KMT5B: variants seen among roughly 807,000 people sequenced by gnomAD.
The protein encoded by KMT5B is histone-lysine N-methyltransferase KMT5B.
In KMT5B, 10 loss-of-function variants were observed where a neutral mutation model predicts 83.2. The ratio of observed to expected loss-of-function variants is 0.12; its 90% CI spans 0.07 to 0.20. The LOEUF (loss-of-function observed/expected upper bound fraction) is 0.20, where lower values mean the gene tolerates loss of function less well. Among genes scored for constraint, KMT5B ranks in the 10% least tolerant of loss-of-function variants. The probability of loss-of-function intolerance (pLI) is 1.00; values close to 1 mark genes in which losing one functional copy is unlikely to be tolerated. For synonymous variants in KMT5B, 349 were observed against 388.8 expected (o/e 0.90, Z 1.20); for missense variants, 753 against 1,067.2 (o/e 0.71, Z 4.10).
At chr11:68,189,646 A>G (rs1374803994) in intron 2 of KMT5B, 3 of 272,184 alleles carry the variant, frequency 1.1e-5, no homozygotes, top group South Asian at 1.1e-4. Context: ...TTAGTAAGAC[A>G]TATCAACCAT....
In KMT5B at chr11:68,173,916, A is replaced by G. The variant is rs761934913; in HGVS notation, c.544-3T>C. 6.5e-7 allele frequency: 1 copy of G among 1,542,870 alleles called. No homozygotes were observed. The highest frequency in any genetic ancestry group is 8.8e-7 in the Non-Finnish European group (1 of 1,136,804). ...AACATTCGCAAATAAATAAATACCT[A>G]AAACAGGAAAAAAAAATTGATAATG... On this transcript the variant is annotated splice_region_variant and splice_polypyrimidine_tract_variant and intron_variant, in intron 5 of 10. Coordinates refer to ENST00000304363, the MANE Select transcript of KMT5B (RefSeq NM_017635.5).
Position 68,155,298 on chromosome 11 carries a change from T to C in KMT5B, c.*2390A>G, listed in dbSNP as rs777700129. On this transcript the variant is annotated 3_prime_UTR_variant, in exon 11 of 11. Coordinates refer to ENST00000304363, the MANE Select transcript of KMT5B (RefSeq NM_017635.5). ...CCTACCTTTACCAACGGAAATTAGG[T>C]TTCCCTAGAAGGCATCAACAGTGGC... is the stretch of plus-strand genomic sequence containing the variant. 6.6e-6 allele frequency: 1 copy of C among 152,066 alleles called. No homozygotes were observed. Among genetic ancestry groups the C allele is most frequent in the Non-Finnish European group, 1.5e-5 (1 of 68,000 alleles). 9.4% of individuals were successfully genotyped at this position (152,066 alleles called of 1,614,324 possible). A position where few individuals can be genotyped will look rare whatever the true frequency, so the allele number is the denominator to read the frequency against.
intron 2 of KMT5B, among the ~76,000 whole-genome samples, chr11:68,188,778 C>T (rs2153070899): frequency 6.6e-6 from 1 of 152,314 alleles, no homozygotes; most frequent in Non-Finnish European, 1.5e-5. Context: ...GCCTAGTTTG[C>T]TGACCAGAAT....
At chr11:68,199,650 A>G (rs1386602436) in intron 1 of KMT5B, among the ~76,000 whole-genome samples, 1 of 152,220 alleles carries the variant, frequency 6.6e-6, no homozygotes, top group Non-Finnish European at 1.5e-5. Context: ...ATGGTACTTT[A>G]AAAAAGCAGT....
intron 1 of KMT5B, among the ~76,000 whole-genome samples, chr11:68,204,655 T>C (rs551426781): frequency 2.3e-4 from 34 of 149,834 alleles, no homozygotes; most frequent in African/African-American, 8.1e-4. Flanking sequence ...TCTCACATGT[T>C]GCCTAGGCTG....
intron 4 of KMT5B, chr11:68,179,794 T>A: frequency 2.3e-6 from 1 of 443,550 alleles, no homozygotes; most frequent in Non-Finnish European, 3.6e-6. Context: ...AGACGCTGAG[T>A]GAGGAGTCGC....
At chr11:68,203,682 T>A (rs1859726522) in intron 1 of KMT5B, among the ~76,000 whole-genome samples, 1 of 152,072 alleles carries the variant, frequency 6.6e-6, no homozygotes, top group Non-Finnish European at 1.5e-5. Flanking sequence ...ACCTGTAACC[T>A]TAAAACTTGC....
intron 1 of KMT5B, among the ~76,000 whole-genome samples, chr11:68,206,608 C>A (rs1860146844): frequency 1.3e-5 from 2 of 152,078 alleles, no homozygotes; most frequent in Admixed American, 1.3e-4. Context: ...TCACCGATGC[C>A]CCACCAGTAC....
chr11:68,160,618 G>A (rs1026004278), intron 10 of KMT5B, among the ~76,000 whole-genome samples: 6 of 152,084 alleles, frequency 3.9e-5, no homozygotes, highest in African/African-American at 7.2e-5. Context: ...CATTCCTTCC[G>A]CCCAGCTAAG....
chr11:68,203,326 T>A (rs1456466955), intron 1 of KMT5B, among the ~76,000 whole-genome samples: 1 of 152,214 alleles, frequency 6.6e-6, no homozygotes, highest in African/African-American at 2.4e-5. Flanking sequence ...ATAGGTCCAT[T>A]CATATCACCT....
chr11:68,190,956 C>T (rs1467350853), intron 1 of KMT5B, among the ~76,000 whole-genome samples: 1 of 152,188 alleles, frequency 6.6e-6, no homozygotes, highest in African/African-American at 2.4e-5. Flanking sequence ...CAGAGCAACC[C>T]TGTCTTCCAA....
chr11:68,193,883 C>T lies in KMT5B; in HGVS notation c.-76-3731G>A, dbSNP rs142156749. ...TGGTGTGATGATGGCTCACTGTGGC[C>T]TCAAAGTCCTAGGCTCAAGCAATCC... On this transcript the variant is annotated intron_variant, in intron 1 of 10. Transcript: ENST00000304363. Among the ~76,000 whole-genome samples, 38 of 151,398 alleles carry T rather than the reference C, an allele frequency of 2.5e-4. 1 individual carries two copies. The highest frequency in any genetic ancestry group is 8.5e-4 in the African/African-American group (35 of 41,238).
At chr11:68,195,783 A>G (rs186269693) in intron 1 of KMT5B, among the ~76,000 whole-genome samples, 2 of 152,334 alleles carry the variant, frequency 1.3e-5, no homozygotes, top group Admixed American at 1.3e-4. Context: ...ACAGAGCAGA[A>G]TATTTCACAA....
chr11:68,202,355 A>G (rs1283490105), intron 1 of KMT5B, among the ~76,000 whole-genome samples: 2 of 152,166 alleles, frequency 1.3e-5, no homozygotes, highest in African/African-American at 4.8e-5. Flanking sequence ...TTCCCACCAC[A>G]GGGCCTTTGC....
At chr11:68,212,907 G>T (rs1591103834) in intron 1 of KMT5B, among the ~76,000 whole-genome samples, 1 of 145,006 alleles carries the variant, frequency 6.9e-6, no homozygotes, top group African/African-American at 2.5e-5. Flanking sequence ...GGCCGCTACC[G>T]CTCCCTTCCG....
At chr11:68,166,118 T>C in intron 10 of KMT5B, 1 of 1,442,694 alleles carries the variant, frequency 6.9e-7, no homozygotes, top group Non-Finnish European at 9.1e-7. Flanking sequence ...ACTTTCTAAC[T>C]TCTGTCTCTC....
intron 9 of KMT5B, 125 bp downstream of exon 9, chr11:68,170,890 G>A (rs1201128450): frequency 9.7e-6 from 10 of 1,025,922 alleles, no homozygotes; most frequent in South Asian, 5.5e-5. Flanking sequence ...TGCACCAGCC[G>A]CTATGCTAAA....
At chr11:68,210,216 T>C (rs532883004) in intron 1 of KMT5B, among the ~76,000 whole-genome samples, 5 of 151,408 alleles carry the variant, frequency 3.3e-5, no homozygotes, top group Non-Finnish European at 5.9e-5. Flanking sequence ...ACTGGCATTG[T>C]AGGAGTCATA....
At chr11:68,168,725 C>T (rs946506508) in intron 9 of KMT5B, among the ~76,000 whole-genome samples, 1 of 152,172 alleles carries the variant, frequency 6.6e-6, no homozygotes, top group African/African-American at 2.4e-5. Flanking sequence ...GAGAAACATG[C>T]TTCAAATGTA....
Sources: gnomAD v4.1 joint callset for allele counts (sites outside exome capture counted in the v4.1 genomes callset) on GRCh38, gnomAD v4.1.1 for gene constraint, MANE v1.5 for transcripts, NCBI Gene and HGNC (gene_info 2026-07-23, HGNC 2026-07-21) for gene names.